CCDC171: variants seen among roughly 807,000 people sequenced by gnomAD.
The protein encoded by CCDC171 is coiled-coil domain containing 171, also known as coiled-coil domain-containing protein 171.
Under a neutral mutation model 168.2 loss-of-function variants are expected in CCDC171, and 177 were observed. The ratio of observed to expected loss-of-function variants is 1.05; its 90% CI spans 0.93 to 1.19. CCDC171 has a LOEUF of 1.19. Ranked by LOEUF, CCDC171 falls within the 50% of genes most tolerant of loss-of-function variation. CCDC171 has a pLI of 0.00. For synonymous variants in CCDC171, 687 were observed against 540.8 expected, an observed-to-expected ratio of 1.27 and a Z score of -3.75; for missense variants, 1,991 against 1,539.0, an observed-to-expected ratio of 1.29 and a Z score of -4.91.
chr9:15,922,203 G>A (rs1420927791), intron 25 of CCDC171: 7 of 381,892 alleles, frequency 1.8e-5, no homozygotes, highest in South Asian at 4.1e-5. Flanking sequence ...TGATTCTGAT[G>A]TATCCTTTTA....
At chr9:15,677,332 T>G (rs2049655162) in intron 9 of CCDC171, among the ~76,000 whole-genome samples, 1 of 152,138 alleles carries the variant, frequency 6.6e-6, no homozygotes, top group Admixed American at 6.6e-5. Context: ...CCTTGGAATA[T>G]TCCTAATCTA....
intron 16 of CCDC171, among the ~76,000 whole-genome samples, chr9:15,735,836 G>A (rs954249938): frequency 6.6e-6 from 1 of 152,146 alleles, no homozygotes; most frequent in African/African-American, 2.4e-5. Context: ...GAGTCCATGG[G>A]AATGGATACC....
chr9:15,890,607 C>G (rs371467971), intron 24 of CCDC171, among the ~76,000 whole-genome samples: 35 of 149,572 alleles, frequency 2.3e-4, no homozygotes, highest in African/African-American at 8.0e-4. Context: ...TCATGGCACT[C>G]TTATTATTTA....
rs1260228958 is a variant in CCDC171, at chr9:15,698,200, A to T, written c.1318+2863A>T. 3.3e-5 allele frequency among the ~76,000 whole-genome samples: 5 copies of T among 152,168 alleles called. No individual in the cohort carries two copies. The East Asian group carries it at 9.7e-4, about 29-fold the overall frequency. ...CCATTCTACTCTCTACCTCTGTGAGATCTGCTTTTTTAGCTCTCATGTGTG... is the reference window on the plus strand; with the variant it reads ...CCATTCTACTCTCTACCTCTGTGAGTTCTGCTTTTTTAGCTCTCATGTGTG... On this transcript the variant is annotated intron_variant, in intron 11 of 25. Transcript: ENST00000380701.
chr9:16,093,867 T>C, the CCDC171 span, among the ~76,000 whole-genome samples: 2 of 152,150 alleles, frequency 1.3e-5, no homozygotes, highest in Non-Finnish European at 2.9e-5. Flanking sequence ...TGTGTTCCTA[T>C]AGTAATATAG....
At chr9:16,049,185 G>A (rs1833712664) in intron 1 of CCDC171, among the ~76,000 whole-genome samples, 1 of 152,210 alleles carries the variant, frequency 6.6e-6, no homozygotes, top group Admixed American at 6.5e-5. Flanking sequence ...ACTGCATTGT[G>A]TCAGTTGCAT....
chr9:15,702,507 A>G (rs1004944657), intron 11 of CCDC171, among the ~76,000 whole-genome samples: 2 of 152,042 alleles, frequency 1.3e-5, no homozygotes, highest in African/African-American at 2.4e-5. Context: ...GATTTTTTCA[A>G]TGGCAAATGA....
intron 24 of CCDC171, among the ~76,000 whole-genome samples, chr9:15,901,407 G>T (rs1352171282): frequency 6.6e-6 from 1 of 152,058 alleles, no homozygotes; most frequent in African/African-American, 2.4e-5. Flanking sequence ...TTTGTAGGAG[G>T]GTATTGATAT....
At chr9:15,833,423 T>A (rs1478412971) in intron 21 of CCDC171, among the ~76,000 whole-genome samples, 1 of 152,222 alleles carries the variant, frequency 6.6e-6, no homozygotes, top group Non-Finnish European at 1.5e-5. Flanking sequence ...TTTGGAATTT[T>A]GTAAATGATA....
chr9:16,027,793 G>A (rs369521687), intron 6 of CCDC171, among the ~76,000 whole-genome samples: 3 of 152,162 alleles, frequency 2.0e-5, no homozygotes, highest in South Asian at 2.1e-4. Flanking sequence ...CATCTGCACC[G>A]GGGCTAAAAG....
chr9:15,657,046 A>C (rs2047993276), intron 7 of CCDC171, 81 bp from the exon 8 acceptor site: 2 of 656,530 alleles, frequency 3.0e-6, no homozygotes, highest in Non-Finnish European at 4.9e-6. Flanking sequence ...CTAAAGTGTT[A>C]ATTATAATGC....
intron 6 of CCDC171, among the ~76,000 whole-genome samples, chr9:15,617,080 G>T (rs145180394): frequency 2.1e-4 from 32 of 152,300 alleles, no homozygotes; most frequent in African/African-American, 7.7e-4. Flanking sequence ...CTAGTTAGCA[G>T]TTCCTGTAAT....
At chr9:15,687,870 C>T (rs1380261823) in intron 10 of CCDC171, among the ~76,000 whole-genome samples, 2 of 152,064 alleles carry the variant, frequency 1.3e-5, no homozygotes, top group Non-Finnish European at 2.9e-5. Flanking sequence ...GCCTGTAATC[C>T]TAACACTTGG....
chr9:15,698,791 A>C (rs1328082887), intron 11 of CCDC171, among the ~76,000 whole-genome samples: 1 of 152,130 alleles, frequency 6.6e-6, no homozygotes, highest in Non-Finnish European at 1.5e-5. Context: ...GGGCTCAAAC[A>C]ATCCTCCTGC....
intron 16 of CCDC171, among the ~76,000 whole-genome samples, chr9:15,732,969 T>C (rs1183037339): frequency 6.6e-6 from 1 of 152,204 alleles, no homozygotes; most frequent in South Asian, 2.1e-4. Context: ...TGCCAACATA[T>C]GACTTCATCA....
chr9:15,958,309 G>C (rs1830007744), intron 25 of CCDC171, among the ~76,000 whole-genome samples: 2 of 152,170 alleles, frequency 1.3e-5, no homozygotes, highest in African/African-American at 4.8e-5. Context: ...TAGAAATATG[G>C]CTTTGGGGCA....
In CCDC171 at chr9:15,779,097, G is replaced by C; in HGVS notation, c.3028G>C (p.Glu1010Gln). The change falls in exon 20 of 26, where the codon GAG becomes CAG. Residue 1010 changes from glutamate to glutamine, a missense_variant. Physicochemically the swap from Glu to Gln is conservative, Grantham distance 29. Coordinates refer to ENST00000380701, the MANE Select transcript of CCDC171 (RefSeq NM_173550.4). ...FKRSVNEMKK[E>Q]LDKAQGLQMQ... is the part of the protein sequence containing the mutation. ...ACGAAGTGTGAATGAAATGAAAAAG[G>C]AGCTTGACAAAGCCCAGGGTCTGCA... is the stretch of plus-strand genomic sequence containing the variant. 2 of 1,602,342 alleles carry C rather than the reference G, an allele frequency of 1.2e-6. No homozygotes were observed. The highest frequency in any genetic ancestry group is 1.7e-6 in the Non-Finnish European group (2 of 1,175,034).
chr9:15,795,910 C>G (rs2058531112), intron 21 of CCDC171, among the ~76,000 whole-genome samples: 1 of 152,192 alleles, frequency 6.6e-6, no homozygotes, highest in Non-Finnish European at 1.5e-5. Context: ...GTCCAGTCAC[C>G]AGTGTGACCT....
chr9:16,082,248 T>C, the CCDC171 span, among the ~76,000 whole-genome samples: 1 of 152,238 alleles, frequency 6.6e-6, no homozygotes, highest in African/African-American at 2.4e-5. Context: ...CACATCTCTG[T>C]TGACTTGGAG....
Sources: allele counts gnomAD v4.1 joint callset (sites outside exome capture counted in the v4.1 genomes callset), GRCh38; gene constraint gnomAD v4.1.1; transcripts MANE v1.5; gene names NCBI Gene and HGNC (gene_info 2026-07-23, HGNC 2026-07-21).